Variants in RAB1B observed in about 807,000 individuals in gnomAD.
RAB1B encodes RAB1B, member RAS oncogene family.
Under a neutral mutation model 24.8 loss-of-function variants are expected in RAB1B, and 10 were observed. The observed-to-expected ratio is 0.40, with a 90% confidence interval of 0.25 to 0.68. The LOEUF (loss-of-function observed/expected upper bound fraction) is 0.68. RAB1B is among the 30% of genes least tolerant of loss of function. The probability of loss-of-function intolerance (pLI) is 0.37; values close to 1 mark genes in which losing one functional copy is unlikely to be tolerated. For missense variants in RAB1B, 154 were observed against 271.2 expected, an observed-to-expected ratio of 0.57 and a Z score of 3.04; for synonymous variants, 99 against 111.7, an observed-to-expected ratio of 0.89 and a Z score of 0.72.
At chr11:66,272,583 C>G (rs955064490) in intron 4 of RAB1B, 123 bp downstream of exon 4, 37 of 627,548 alleles carry the variant, frequency 5.9e-5, no homozygotes, top group Non-Finnish European at 8.2e-5. Flanking sequence ...TGTCTGCTTA[C>G]AGGAACTAAC....
chr11:66,268,831 C>CCT (rs55687530), intron 1 of RAB1B, 138 bp downstream of exon 1: 1 of 928,904 alleles, frequency 1.1e-6, no homozygotes, highest in Non-Finnish European at 1.4e-6. Context: ...GACCCCCCCC[C>CCT]ACATCCGGGT....
Position 66,275,857 on chromosome 11 carries a change from C to T in RAB1B, c.333C>T (p.Ser111=), listed in dbSNP as rs772077017. Residue 111 remains serine (S), a synonymous_variant, in exon 5 of 6, where the codon AGC becomes AGT. Coordinates refer to ENST00000311481, the MANE Select transcript of RAB1B (RefSeq NM_030981.3). The part of the protein sequence containing the change: ...QWLQEIDRYA[S]ENVNKLLVGN... ...TGCAGGAGATTGACCGCTATGCCAG[C>T]GAGAACGTCAATAAGCTCCTGGTGG... 6.3e-6 allele frequency: 10 copies of T among 1,599,662 alleles called. No individual in the cohort carries two copies. The highest frequency in any genetic ancestry group is 3.4e-5 in the South Asian group (3 of 88,552).
At chr11:66,270,277 T>C (rs973168695) in intron 1 of RAB1B, 14 of 125,582 alleles carry the variant, frequency 1.1e-4, no homozygotes, top group Admixed American at 3.3e-4. Flanking sequence ...TTGTTGTTGT[T>C]GTCTCCAAAG....
At position 66,272,418 on chromosome 11, in the gene RAB1B, G is replaced by T. The variant is rs1333226438; in HGVS notation, c.237G>T (p.Arg79=). The T allele has an allele frequency of 6.2e-7, 1 of 1,605,800 alleles. No individual in the cohort carries two copies. The highest frequency in any genetic ancestry group is 8.5e-7 in the Non-Finnish European group (1 of 1,175,206). ...GGACCATCACTTCCAGCTACTACCGGGGGGCTCATGGCATCATCGTGGTGT... is the reference window on the plus strand; with the variant it reads ...GGACCATCACTTCCAGCTACTACCGTGGGGCTCATGGCATCATCGTGGTGT... ...RFRTITSSYY[R]GAHGIIVVYD... Residue 79 remains arginine, a synonymous_variant, in exon 4 of 6, where the codon CGG becomes CGT. Coordinates refer to ENST00000311481, the MANE Select transcript of RAB1B (RefSeq NM_030981.3).
At chr11:66,268,830 C>CA in intron 1 of RAB1B, 137 bp downstream of exon 1, 9 of 945,404 alleles carry the variant, frequency 9.5e-6, no homozygotes, top group South Asian at 2.8e-5. Flanking sequence ...TGACCCCCCC[C>CA]CACATCCGGG....
chr11:66,272,003 T>A (rs1423211552), intron 2 of RAB1B, 134 bp downstream of exon 2: 2 of 941,156 alleles, frequency 2.1e-6, no homozygotes, highest in African/African-American at 3.2e-5. Context: ...CACCAGCACA[T>A]CTGCCCTGAA....
Position 66,277,276 on chromosome 11 carries a change from C to T in RAB1B, c.*1038C>T, listed in dbSNP as rs568002463. The T allele has an allele frequency of 1.3e-5, 2 of 152,750 alleles. No homozygotes were observed. The highest frequency in any genetic ancestry group is 2.4e-5 in the African/African-American group (1 of 41,438). 9.5% of individuals were successfully genotyped at this position (152,750 alleles called of 1,614,324 possible). A position where few individuals can be genotyped will look rare whatever the true frequency, so the allele number is the denominator to read the frequency against. ...GGTCTCCCTGAGAAGCCATGTCCCT[C>T]GTGCTGTCTCTTGCCTGTCCCACCT... On this transcript the variant is annotated 3_prime_UTR_variant, in exon 6 of 6. Coordinates refer to ENST00000311481, the MANE Select transcript of RAB1B (RefSeq NM_030981.3).
At chr11:66,269,901 G>T (rs1565180710) in intron 1 of RAB1B, 3 of 151,530 alleles carry the variant, frequency 2.0e-5, no homozygotes, top group Admixed American at 6.6e-5. Context: ...TTGAGACAGG[G>T]TCTCTCTCTG....
chr11:66,269,888 A>G (rs1355682694), intron 1 of RAB1B: 1 of 133,656 alleles, frequency 7.5e-6, no homozygotes, highest in African/African-American at 2.8e-5. Context: ...TTTTTTTTTT[A>G]TTTTGAGACA....
intron 4 of RAB1B, 138 bp from the exon 5 acceptor site, chr11:66,275,666 C>T: frequency 2.2e-6 from 2 of 917,228 alleles, no homozygotes; most frequent in Non-Finnish European, 3.2e-6. Flanking sequence ...AGAGGGCTTC[C>T]TCTGCATCTC....
intron 4 of RAB1B, among the ~76,000 whole-genome samples, chr11:66,274,000 G>T (rs1182624043): frequency 6.6e-6 from 1 of 152,042 alleles, no homozygotes; most frequent in Non-Finnish European, 1.5e-5. Flanking sequence ...TAAGACATGG[G>T]GTCTCACTCT....
intron 1 of RAB1B, among the ~76,000 whole-genome samples, 168 bp downstream of exon 1, chr11:66,268,861 G>C (rs1404122031): frequency 8.6e-6 from 1 of 116,654 alleles, no homozygotes; most frequent in Admixed American, 1.1e-4. Flanking sequence ...CCCCCCAGGG[G>C]CCCCAGGACC....
intron 1 of RAB1B, chr11:66,271,050 C>A (rs1479377173): frequency 6.6e-6 from 1 of 152,260 alleles, no homozygotes; most frequent in Non-Finnish European, 1.5e-5. Flanking sequence ...CCATAGTATT[C>A]TAAACCAAGG....
At chr11:66,268,821 G>GACC (rs1555003511) in intron 1 of RAB1B, 128 bp downstream of exon 1, 1 of 502,134 alleles carries the variant, frequency 2.0e-6, no homozygotes, top group Admixed American at 1.1e-4. Context: ...CTCTTCCGCT[G>GACC]ACCCCCCCCC....
At position 66,276,024 on chromosome 11, in the gene RAB1B, TCTCTCCTC is replaced by T; in HGVS notation, c.412-19_412-12del. ...CCCCTCCTCTTCTCTCCCCTCCTCT[TCTCTCCTC>T]TCCCTTGTCAGGAGTTTGCAGACTC... is the stretch of plus-strand genomic sequence containing the variant. On this transcript the variant is annotated splice_polypyrimidine_tract_variant and intron_variant, in intron 5 of 5. Coordinates refer to ENST00000311481, the MANE Select transcript of RAB1B (RefSeq NM_030981.3). 1.9e-6 allele frequency: 3 copies of T among 1,605,152 alleles called. No individual in the cohort carries two copies. Among genetic ancestry groups the T allele is most frequent in the Non-Finnish European group, 2.6e-6 (3 of 1,174,018 alleles).
Position 66,275,886 on chromosome 11 carries a change from A to G in RAB1B, c.362A>G (p.Asn121Ser). 6.2e-7 allele frequency: 1 copy of G among 1,608,612 alleles called. No individual in the cohort carries two copies. Among genetic ancestry groups the G allele is most frequent in the Non-Finnish European group, 8.5e-7 (1 of 1,178,244 alleles). ...SENVNKLLVG[N>S]KSDLTTKKVV... Reference sequence around the variant, plus strand: ...AACGTCAATAAGCTCCTGGTGGGCAACAAGAGCGACCTCACCACCAAGAAG... The same window carrying G: ...AACGTCAATAAGCTCCTGGTGGGCAGCAAGAGCGACCTCACCACCAAGAAG... Residue 121 changes from asparagine (N) to serine (S), a missense_variant, in exon 5 of 6, where the codon AAC becomes AGC. Asn to Ser is a conservative substitution (Grantham distance 46, BLOSUM62 1). This residue lies in a region of RAB1B where 77 missense variants were observed against 173.4 expected (regional missense o/e 0.44). Transcript: ENST00000311481.
At position 66,272,363 on chromosome 11, in the gene RAB1B, A is replaced by G; in HGVS notation, c.184-2A>G. On this transcript the variant is annotated splice_acceptor_variant, in intron 3 of 5. Coordinates refer to ENST00000311481, the MANE Select transcript of RAB1B (RefSeq NM_030981.3). LOFTEE classifies it high-confidence loss of function. ...CCTGCTCCTCTGCCTACTGTCTCCT[A>G]GTGGGACACAGCGGGCCAGGAACGG... is the stretch of plus-strand genomic sequence containing the variant. 6.2e-7 allele frequency: 1 copy of G among 1,612,256 alleles called. No individual in the cohort carries two copies. The highest frequency in any genetic ancestry group is 8.5e-7 in the Non-Finnish European group (1 of 1,178,658).
chr11:66,276,464 G>T lies in RAB1B; in HGVS notation c.*226G>T, dbSNP rs1694123734. On this transcript the variant is annotated 3_prime_UTR_variant, in exon 6 of 6. Transcript: ENST00000311481. The stretch of plus-strand genomic sequence containing the variant: ...AGGGCCTGTGGCCAGGCAGGGCGGA[G>T]GCCTGCTGTGCTGTTGCCTCTAGGT... 1 of 532,058 alleles carries T rather than the reference G, an allele frequency of 1.9e-6. No individual in the cohort carries two copies. The highest frequency in any genetic ancestry group is 2.0e-5 in the African/African-American group (1 of 50,420). 33.0% of individuals were successfully genotyped at this position (532,058 alleles called of 1,614,324 possible).
chr11:66,276,529 C>T lies in RAB1B; in HGVS notation c.*291C>T, dbSNP rs1288432855. ...CCCCCCTACACACCTTTCTTTGGAA[C>T]GAGGGCTCTTCTGTCGGTGTCCCTC... is the stretch of plus-strand genomic sequence containing the variant. On this transcript the variant is annotated 3_prime_UTR_variant, in exon 6 of 6. Coordinates refer to ENST00000311481, the MANE Select transcript of RAB1B (RefSeq NM_030981.3). 2 of 390,810 alleles carry T rather than the reference C, an allele frequency of 5.1e-6. No homozygotes were observed. The highest frequency in any genetic ancestry group is 9.1e-6 in the Non-Finnish European group (2 of 218,840). 24.2% of individuals were successfully genotyped at this position (390,810 alleles called of 1,614,324 possible).
Sources: gnomAD v4.1 joint callset for allele counts (sites outside exome capture counted in the v4.1 genomes callset) on GRCh38, gnomAD v4.1.1 for gene constraint, gnomAD v4.1.1 regional missense constraint, MANE v1.5 for transcripts, NCBI Gene and HGNC (gene_info 2026-07-23, HGNC 2026-07-21) for gene names.